The following SCN7A variants were observed in gnomAD, a reference collection of about 807,000 sequenced individuals.
SCN7A encodes sodium channel protein type 7 subunit alpha.
A neutral mutation model predicts 155.2 loss-of-function variants in SCN7A; 138 were observed. The observed-to-expected ratio is 0.89, with a 90% CI of 0.77 to 1.02. The LOEUF is 1.02. Ranked by LOEUF, SCN7A falls within the 50% of genes least tolerant of loss-of-function variation. The pLI is 0.00. For missense variants in SCN7A, 2,058 were observed against 1,986.6 expected, an observed-to-expected ratio of 1.04 and a Z score of -0.68; for synonymous variants, 693 against 649.0, an observed-to-expected ratio of 1.07 and a Z score of -1.03.
chr2:166,413,806 C>A (rs939693060), intron 21 of SCN7A, among the ~76,000 whole-genome samples: 1 of 150,110 alleles, frequency 6.7e-6, no homozygotes, highest in Admixed American at 6.8e-5. Context: ...ATATTTTTCT[C>A]CTGTGCTGGA....
chr2:166,467,673 T>C (rs76486380), intron 7 of SCN7A, among the ~76,000 whole-genome samples: 2,482 of 151,732 alleles, frequency 0.016, 80 homozygotes, highest in East Asian at 0.12. Flanking sequence ...AATTATATTT[T>C]GTTAGAAAGT....
chr2:166,447,528 C>T (rs1319804474), intron 12 of SCN7A, 84 bp downstream of exon 12: 1 of 832,334 alleles, frequency 1.2e-6, no homozygotes, highest in African/African-American at 1.7e-5. Context: ...ATCTAAGATT[C>T]TGAAGAAATT....
At chr2:166,457,363 A>AG (rs1480947017) in intron 10 of SCN7A, among the ~76,000 whole-genome samples, 1 of 152,242 alleles carries the variant, frequency 6.6e-6, no homozygotes, top group African/African-American at 2.4e-5. Flanking sequence ...TCATTGATAG[A>AG]GAAAATACAT....
intron 11 of SCN7A, among the ~76,000 whole-genome samples, chr2:166,456,047 A>G (rs57219451): frequency 0.15 from 23,465 of 152,138 alleles, 1,986 homozygotes; most frequent in East Asian, 0.33. Flanking sequence ...ATGAGTTCAC[A>G]TCCTTTGCAG....
In SCN7A at chr2:166,409,762, A is replaced by T. The variant is rs749464170; in HGVS notation, c.3885T>A (p.Thr1295=). 6.4e-7 allele frequency: 1 copy of T among 1,561,662 alleles called. No homozygotes were observed. The highest frequency in any genetic ancestry group is 8.7e-7 in the Non-Finnish European group (1 of 1,151,142). The change falls in exon 25 of 26, where the codon ACT becomes ACA. Residue 1295 remains threonine (T), a synonymous_variant. Coordinates refer to ENST00000643258, the MANE Select transcript of SCN7A (RefSeq NM_002976.4). The part of the protein sequence containing the change: ...WINSIFVMLY[T]MECILKLIAF... The stretch of plus-strand genomic sequence containing the variant: ...CGATGAGCTTCAGTATACATTCCAT[A>T]GTATATAGCATAACAAAAATTGAGT...
intron 11 of SCN7A, among the ~76,000 whole-genome samples, chr2:166,451,947 A>G (rs1298663526): frequency 1.3e-5 from 2 of 152,190 alleles, no homozygotes; most frequent in Non-Finnish European, 2.9e-5. Flanking sequence ...AATAAATTTC[A>G]GAGATAATAC....
intron 3 of SCN7A, among the ~76,000 whole-genome samples, chr2:166,475,076 T>TTG (rs1702751949): frequency 1.1e-5 from 1 of 92,998 alleles, no homozygotes; most frequent in Non-Finnish European, 2.4e-5. Context: ...ATTTTTATAT[T>TTG]TGTGTATATA....
chr2:166,427,959 G>A lies in SCN7A; in HGVS notation c.2699-17C>T. 1.9e-6 allele frequency: 3 copies of A among 1,610,662 alleles called. No homozygotes were observed. Among genetic ancestry groups the A allele is most frequent in the Non-Finnish European group, 2.5e-6 (3 of 1,177,972 alleles). On this transcript the variant is annotated splice_polypyrimidine_tract_variant and intron_variant, in intron 17 of 25. Transcript: ENST00000643258. ...GTCTGCAACCTGTCAAGATTGAATTGGTAAGAACAACAATCTAGAAAACTC... is the reference window on the plus strand; with the variant it reads ...GTCTGCAACCTGTCAAGATTGAATTAGTAAGAACAACAATCTAGAAAACTC...
At chr2:166,440,770 C>T (rs184889893) in intron 15 of SCN7A, 1 of 152,088 alleles carries the variant, frequency 6.6e-6, no homozygotes, top group African/African-American at 2.4e-5. Flanking sequence ...ATACAGTAGT[C>T]CCCCTTAATC....
chr2:166,423,782 A>C (rs1464535725), intron 18 of SCN7A, among the ~76,000 whole-genome samples: 1 of 152,090 alleles, frequency 6.6e-6, no homozygotes. Flanking sequence ...TCTGACATGG[A>C]TCTTATATGT....
rs1280130795 is a variant in SCN7A, at chr2:166,465,502, C to T, written c.901G>A (p.Glu301Lys). 6.2e-7 allele frequency: 1 copy of T among 1,608,466 alleles called. No homozygotes were observed. Among genetic ancestry groups the T allele is most frequent in the South Asian group, 1.1e-5 (1 of 89,786 alleles). Reference sequence around the variant, plus strand: ...TTGCCACAAAGGAGAGCATATCTTTCTCCTTCCAAATAATAAAAGTTTTCT... The same window carrying T: ...TTGCCACAAAGGAGAGCATATCTTTTTCCTTCCAAATAATAAAAGTTTTCT... ...ETENFYYLEG[E>K]RYALLCGNRT... The change falls in exon 9 of 26, where the codon GAA becomes AAA. Residue 301 changes from glutamate (E) to lysine (K), a missense_variant. Transcript: ENST00000643258.
intron 14 of SCN7A, 95 bp from the exon 15 acceptor site, chr2:166,441,847 T>C: frequency 2.5e-6 from 2 of 815,210 alleles, no homozygotes; most frequent in South Asian, 3.7e-5. Flanking sequence ...CATATACATA[T>C]ATAGCCTTTA....
intron 25 of SCN7A, among the ~76,000 whole-genome samples, chr2:166,407,956 G>A (rs983931242): frequency 6.6e-6 from 1 of 151,770 alleles, no homozygotes; most frequent in Non-Finnish European, 1.5e-5. Context: ...CCACTTATAA[G>A]TGAGAATATG....
At chr2:166,412,760 C>T in intron 22 of SCN7A, 93 bp from the exon 23 acceptor site, 2 of 1,405,602 alleles carry the variant, frequency 1.4e-6, no homozygotes, top group Non-Finnish European at 1.9e-6. Flanking sequence ...ACAAAACAAG[C>T]ATTGTTATGC....
chr2:166,449,028 A>T (rs1702123593), intron 11 of SCN7A, among the ~76,000 whole-genome samples: 1 of 152,170 alleles, frequency 6.6e-6, no homozygotes, highest in African/African-American at 2.4e-5. Flanking sequence ...ATTTTTGTTT[A>T]TCATGTCTCT....
At chr2:166,472,812 T>C (rs955570871) in intron 5 of SCN7A, among the ~76,000 whole-genome samples, 1 of 152,068 alleles carries the variant, frequency 6.6e-6, no homozygotes, top group Non-Finnish European at 1.5e-5. Context: ...TTGTTTTTTT[T>C]GCTTAGGATT....
chr2:166,489,173 T>G (rs1683020016), intron 1 of SCN7A, among the ~76,000 whole-genome samples: 2 of 152,238 alleles, frequency 1.3e-5, no homozygotes, highest in South Asian at 4.1e-4. Context: ...TGGATATGTC[T>G]GTGCTCATAC....
chr2:166,429,159 ATT>A lies in SCN7A; in HGVS notation c.2698+8_2698+9del. 1 of 1,497,128 alleles carries A rather than the reference ATT, an allele frequency of 6.7e-7. No individual in the cohort carries two copies. Among genetic ancestry groups the A allele is most frequent in the Non-Finnish European group, 9.0e-7 (1 of 1,113,150 alleles). 92.7% of individuals were successfully genotyped at this position (1,497,128 alleles called of 1,614,324 possible). The stretch of plus-strand genomic sequence containing the variant: ...TTAGTTTCCTAGCAAGATTAACAAA[ATT>A]TTCTTACCATTTTTCAGATGCTTTG... On this transcript the variant is annotated splice_region_variant and intron_variant, in intron 17 of 25. Transcript: ENST00000643258.
chr2:166,416,415 T>C (rs113495449), intron 21 of SCN7A, among the ~76,000 whole-genome samples: 5,386 of 152,228 alleles, frequency 0.035, 295 homozygotes, highest in East Asian at 0.11. Context: ...GTGGGCATCA[T>C]GGTCCTACTG....
Sources: gnomAD v4.1 joint callset for allele counts (sites outside exome capture counted in the v4.1 genomes callset) on GRCh38, gnomAD v4.1.1 for gene constraint, MANE v1.5 for transcripts, NCBI Gene and HGNC (gene_info 2026-07-23, HGNC 2026-07-21) for gene names.